PDE1C: variants seen among roughly 807,000 people sequenced by gnomAD.
PDE1C encodes phosphodiesterase 1C, also known as dual specificity calcium/calmodulin-dependent 3',5'-cyclic nucleotide phosphodiesterase 1C.
A neutral mutation model predicts 93.1 loss-of-function variants in PDE1C; 62 were observed. That is an observed-to-expected ratio of 0.67 (90% CI 0.54 to 0.82). The LOEUF (loss-of-function observed/expected upper bound fraction) is 0.82. Ranked by LOEUF, PDE1C falls within the 40% of genes least tolerant of loss-of-function variation. The pLI, the probability that PDE1C is intolerant of heterozygous loss-of-function variation, is 0.00. For missense variants in PDE1C, 742 were observed against 884.6 expected (o/e 0.84, Z 2.04); for synonymous variants, 325 against 310.1 (o/e 1.05, Z -0.50).
chr7:32,420,204 CATATATATGTATATATACATATATATGT>C lies in PDE1C; in HGVS notation c.310+7590_310+7617del, dbSNP rs1436585953. Among the ~76,000 whole-genome samples the C allele has an allele frequency of 6.0e-3, 100 of 16,714 alleles. 22 individuals are homozygous for C. The highest frequency in any genetic ancestry group is 8.6e-3 in the African/African-American group (50 of 5,812). The allele number at this position is 16,714 out of a possible 152,430, so 11.0% of individuals were successfully genotyped here. A position where few individuals can be genotyped will look rare whatever the true frequency, so the allele number is the denominator to read the frequency against. ...ACACATATATATGTGTATATATATA[CATATATATGTATATATACATATATATGT>C]ATATATATGTGTATATATATACATG... On this transcript the variant is annotated intron_variant, in intron 1 of 1. Transcript: ENST00000672256.
intron 2 of PDE1C, among the ~76,000 whole-genome samples, chr7:31,975,051 G>C (rs1199470750): frequency 2.0e-5 from 3 of 152,074 alleles, no homozygotes; most frequent in African/African-American, 7.2e-5. Context: ...TGTTCCCCCA[G>C]CCCTCTGATC....
chr7:31,624,802 C>CTCTTT, the PDE1C span, among the ~76,000 whole-genome samples: 1 of 152,064 alleles, frequency 6.6e-6, no homozygotes, highest in South Asian at 2.1e-4. Context: ...AGCTTCTGCA[C>CTCTTT]AGCAAAAGAA....
chr7:32,004,538 A>C (rs1448316958), intron 2 of PDE1C, among the ~76,000 whole-genome samples: 1 of 152,170 alleles, frequency 6.6e-6, no homozygotes, highest in African/African-American at 2.4e-5. Context: ...TGCAAGAGTT[A>C]CTAGAGACTT....
intron 2 of PDE1C, among the ~76,000 whole-genome samples, chr7:32,004,524 G>A (rs1785927469): frequency 1.3e-5 from 2 of 152,178 alleles, no homozygotes; most frequent in South Asian, 2.1e-4. Context: ...AGTCCTGGGG[G>A]TTGTGCAAGA....
At chr7:31,942,771 G>A (rs1417427067) in intron 2 of PDE1C, among the ~76,000 whole-genome samples, 1 of 152,110 alleles carries the variant, frequency 6.6e-6, no homozygotes, top group Middle Eastern at 3.2e-3. Flanking sequence ...AATGAGAAAA[G>A]CAAACAAAAT....
the PDE1C span, among the ~76,000 whole-genome samples, chr7:31,745,962 G>C: frequency 2.6e-5 from 4 of 152,180 alleles, no homozygotes; most frequent in Non-Finnish European, 5.9e-5. Context: ...CAAGGTGTCA[G>C]GAGTACCCAG....
intron 1 of PDE1C, among the ~76,000 whole-genome samples, chr7:32,238,841 A>C (rs1477255990): frequency 6.6e-6 from 1 of 152,230 alleles, no homozygotes; most frequent in Non-Finnish European, 1.5e-5. Flanking sequence ...CACCATTTAC[A>C]TCTTTCAATT....
the PDE1C span, chr7:31,643,400 TGAA>T: frequency 6.2e-7 from 1 of 1,613,934 alleles, no homozygotes; most frequent in South Asian, 1.1e-5. Context: ...CCTGCCCAGG[TGAA>T]GTCAAGGTCT....
intron 1 of PDE1C, among the ~76,000 whole-genome samples, chr7:32,272,053 G>C (rs1249189960): frequency 6.6e-6 from 1 of 152,228 alleles, no homozygotes; most frequent in East Asian, 1.9e-4. Flanking sequence ...GACGTTGCCT[G>C]AGAAATGAAG....
intron 16 of PDE1C, among the ~76,000 whole-genome samples, chr7:31,804,586 T>A (rs1397483651): frequency 6.6e-6 from 1 of 151,862 alleles, no homozygotes; most frequent in Admixed American, 6.6e-5. Flanking sequence ...GATAGAAGAT[T>A]TCATTCTTAG....
intron 16 of PDE1C, chr7:31,789,989 C>T (rs540668303): frequency 7.2e-6 from 9 of 1,258,026 alleles, no homozygotes; most frequent in African/African-American, 1.5e-5. Context: ...GAGTAAAAAT[C>T]TCACGTTGTT....
intron 16 of PDE1C, among the ~76,000 whole-genome samples, chr7:31,795,517 G>A (rs1225640072): frequency 6.6e-6 from 1 of 151,832 alleles, no homozygotes; most frequent in Non-Finnish European, 1.5e-5. Context: ...TGGTACATTA[G>A]TAGTTCCACA....
chr7:31,920,095 A>T (rs959697137), intron 2 of PDE1C, among the ~76,000 whole-genome samples: 1 of 152,142 alleles, frequency 6.6e-6, no homozygotes, highest in Non-Finnish European at 1.5e-5. Flanking sequence ...CTGGAGATCA[A>T]CCAATCTTCT....
chr7:31,826,887 A>T (rs181865855), intron 12 of PDE1C, among the ~76,000 whole-genome samples: 2 of 152,308 alleles, frequency 1.3e-5, no homozygotes, highest in Non-Finnish European at 2.9e-5. Context: ...TATCATCGCT[A>T]TCAAAACCAC....
intron 2 of PDE1C, among the ~76,000 whole-genome samples, chr7:32,005,882 T>C (rs116287334): frequency 1.1e-3 from 162 of 152,340 alleles, no homozygotes; most frequent in African/African-American, 3.4e-3. Context: ...TACCTTTTTT[T>C]TCTGCACGTA....
chr7:32,312,854 C>T (rs1480696175), intron 1 of PDE1C, among the ~76,000 whole-genome samples: 2 of 152,318 alleles, frequency 1.3e-5, no homozygotes, highest in Non-Finnish European at 2.9e-5. Flanking sequence ...GCAAGGACTT[C>T]ATGTCTAAAA....
Position 32,422,490 on chromosome 7 carries a change from G to A in PDE1C, c.310+5332C>T, listed in dbSNP as rs1487729254. ...TTTTCAACCCTTTCCCCCCCACCTG[G>A]CCTCCCCCCTCAGCTAGTCCCCAGT... On this transcript the variant is annotated intron_variant, in intron 1 of 1. Transcript: ENST00000672256. Among the ~76,000 whole-genome samples the A allele has an allele frequency of 2.8e-5, 4 of 143,466 alleles. 1 individual carries two copies. The highest frequency in any genetic ancestry group is 4.5e-4 in the South Asian group (2 of 4,488). The allele number at this position is 143,466 out of a possible 152,430, so 94.1% of individuals were successfully genotyped here.
the PDE1C span, among the ~76,000 whole-genome samples, chr7:31,692,994 C>A: frequency 2.0e-5 from 3 of 151,982 alleles, no homozygotes; most frequent in Non-Finnish European, 4.4e-5. Flanking sequence ...CCAGAACTGA[C>A]TTTTTGCATA....
chr7:32,005,801 A>G (rs555365028), intron 2 of PDE1C, among the ~76,000 whole-genome samples: 2 of 152,234 alleles, frequency 1.3e-5, no homozygotes, highest in South Asian at 4.2e-4. Context: ...TTTCTGGTCT[A>G]CTGCTAATTT....
Sources: allele counts gnomAD v4.1 joint callset (sites outside exome capture counted in the v4.1 genomes callset), GRCh38; gene constraint gnomAD v4.1.1; transcripts MANE v1.5; gene names NCBI Gene and HGNC (gene_info 2026-07-23, HGNC 2026-07-21).